Variants in PAX2 observed in about 807,000 individuals in gnomAD.
PAX2 encodes the protein paired box protein Pax-2.
In PAX2, 9 loss-of-function variants were observed where a neutral mutation model predicts 41.7. The ratio of observed to expected loss-of-function variants is 0.22; its 90% CI spans 0.13 to 0.38. The LOEUF (loss-of-function observed/expected upper bound fraction) is 0.38. Ranked by LOEUF, PAX2 falls within the 10% of genes least tolerant of loss-of-function variation. The pLI is 1.00. For missense variants in PAX2, 418 were observed against 531.6 expected, an observed-to-expected ratio of 0.79 and a Z score of 2.10; for synonymous variants, 221 against 212.7, an observed-to-expected ratio of 1.04 and a Z score of -0.34.
At chr10:100,739,325 C>G (rs913146048) in intron 1 of PAX2, among the ~76,000 whole-genome samples, 2 of 152,232 alleles carry the variant, frequency 1.3e-5, no homozygotes, top group Non-Finnish European at 2.9e-5. Flanking sequence ...GCGGCCCTGC[C>G]CTTTGGGCCT....
At chr10:100,765,784 A>AACACACAC (rs34862474) in intron 3 of PAX2, among the ~76,000 whole-genome samples, 4 of 151,024 alleles carry the variant, frequency 2.6e-5, no homozygotes, top group Admixed American at 6.6e-5. Context: ...CTCTGCTTAA[A>AACACACAC]ACACACACAC....
At chr10:100,752,378 T>C (rs77474743) in intron 3 of PAX2, among the ~76,000 whole-genome samples, 12,167 of 152,294 alleles carry the variant, frequency 0.08, 709 homozygotes, top group Admixed American at 0.17. Context: ...ATAAGCCCTT[T>C]GCTTTAAAAG....
At chr10:100,803,092 CTCT>C (rs1229195269) in intron 5 of PAX2, among the ~76,000 whole-genome samples, 8 of 152,216 alleles carry the variant, frequency 5.3e-5, no homozygotes, top group Non-Finnish European at 8.8e-5. Context: ...CTCCTTTACT[CTCT>C]TCTTCTTTTC....
At chr10:100,766,765 C>T (rs923088745) in intron 3 of PAX2, among the ~76,000 whole-genome samples, 1 of 152,096 alleles carries the variant, frequency 6.6e-6, no homozygotes, top group Non-Finnish European at 1.5e-5. Flanking sequence ...AGGATGGATC[C>T]TCTCACCCAC....
chr10:100,826,763 C>G lies in PAX2; in HGVS notation c.1022-246C>G, dbSNP rs1480287500. Reference sequence around the variant, plus strand: ...TCCGCTGGGAAGCCCTGGGCGGGCACCGGCCCACAGGTCCCGCCCGTGGGT... The same window carrying G: ...TCCGCTGGGAAGCCCTGGGCGGGCAGCGGCCCACAGGTCCCGCCCGTGGGT... On this transcript the variant is annotated intron_variant, in intron 8 of 9. Coordinates refer to ENST00000355243, the MANE Select transcript of PAX2 (RefSeq NM_000278.5). The surrounding 1 kb of genome is among the most constrained non-coding windows in gnomAD (Gnocchi z 5.5). 1.3e-5 allele frequency among the ~76,000 whole-genome samples: 2 copies of G among 152,206 alleles called. No homozygotes were observed. Among genetic ancestry groups the G allele is most frequent in the Non-Finnish European group, 2.9e-5 (2 of 68,022 alleles).
At chr10:100,814,647 A>G (rs1263791237) in intron 7 of PAX2, among the ~76,000 whole-genome samples, 5 of 152,354 alleles carry the variant, frequency 3.3e-5, no homozygotes, top group African/African-American at 1.2e-4. Context: ...ATGTCTGAAC[A>G]TTAGAGAGCT....
chr10:100,786,804 G>T (rs954443772), intron 5 of PAX2: 7 of 490,878 alleles, frequency 1.4e-5, no homozygotes, highest in Non-Finnish European at 2.8e-5. Flanking sequence ...CAGCCAGGCT[G>T]TGAGGGAATT....
intron 1 of PAX2, chr10:100,749,168 T>C: frequency 2.0e-6 from 2 of 985,830 alleles, no homozygotes; most frequent in Non-Finnish European, 2.4e-6. Context: ...AAAATTCCGA[T>C]TACAATTTAA....
rs1026701028 is a variant in PAX2, at chr10:100,756,150, A to G, written c.410+5259A>G. ...TACAGAAAGAGGAACAATAGTAGTA[A>G]CTGGTGTGGAAGATTAATCACACTC... On this transcript the variant is annotated intron_variant, in intron 3 of 9. Transcript: ENST00000355243. 3.3e-5 allele frequency among the ~76,000 whole-genome samples: 5 copies of G among 152,166 alleles called. No homozygotes were observed. The East Asian group carries it at 9.6e-4, about 29-fold the overall frequency.
rs1848692657 is a variant in PAX2, at chr10:100,829,137, C to G, written c.*1518C>G. ...GAAAAGAAATCTCTATGCAAAATGACGAACATGGTCCTGTGGACTCCTCTG... is the reference window on the plus strand; with the variant it reads ...GAAAAGAAATCTCTATGCAAAATGAGGAACATGGTCCTGTGGACTCCTCTG... On this transcript the variant is annotated 3_prime_UTR_variant, in exon 10 of 10. Coordinates refer to ENST00000355243, the MANE Select transcript of PAX2 (RefSeq NM_000278.5). 8.6e-6 allele frequency: 2 copies of G among 231,366 alleles called. No individual in the cohort carries two copies. The highest frequency in any genetic ancestry group is 1.7e-5 in the Non-Finnish European group (2 of 116,672). The allele number at this position is 231,366 out of a possible 1,614,324, so 14.3% of individuals were successfully genotyped here.
chr10:100,764,840 A>C (rs11190689), intron 3 of PAX2, among the ~76,000 whole-genome samples: 2,883 of 152,250 alleles, frequency 0.019, 110 homozygotes, highest in African/African-American at 0.067. Flanking sequence ...ATAAAATGAA[A>C]TGGTAGTGGG....
At position 100,829,415 on chromosome 10, in the gene PAX2, G is replaced by A; in HGVS notation, c.*1796G>A. 4.8e-6 allele frequency: 1 copy of A among 207,902 alleles called. No individual in the cohort carries two copies. Among genetic ancestry groups the A allele is most frequent in the Non-Finnish European group, 9.8e-6 (1 of 101,666 alleles). 12.9% of individuals were successfully genotyped at this position (207,902 alleles called of 1,614,324 possible). A position where few individuals can be genotyped will look rare whatever the true frequency, so the allele number is the denominator to read the frequency against. On this transcript the variant is annotated 3_prime_UTR_variant, in exon 10 of 10. Coordinates refer to ENST00000355243, the MANE Select transcript of PAX2 (RefSeq NM_000278.5). Reference sequence around the variant, plus strand: ...CCCCCGGGCTCGCCCCCTCGCGGGCGTGCCCCGCGCGCCCCGGGCGGCCGA... The same window carrying A: ...CCCCCGGGCTCGCCCCCTCGCGGGCATGCCCCGCGCGCCCCGGGCGGCCGA...
At chr10:100,756,095 T>G (rs1845615995) in intron 3 of PAX2, among the ~76,000 whole-genome samples, 1 of 152,170 alleles carries the variant, frequency 6.6e-6, no homozygotes, top group Non-Finnish European at 1.5e-5. Context: ...CATGATGGCA[T>G]GTGCTTGCGG....
intron 7 of PAX2, among the ~76,000 whole-genome samples, chr10:100,818,264 T>A (rs958613864): frequency 6.6e-6 from 1 of 152,212 alleles, no homozygotes; most frequent in Admixed American, 6.5e-5. Flanking sequence ...TATAAATCTA[T>A]GTCTAATAAG....
At chr10:100,801,696 T>C (rs960427754) in intron 5 of PAX2, among the ~76,000 whole-genome samples, 1 of 152,182 alleles carries the variant, frequency 6.6e-6, no homozygotes, top group Non-Finnish European at 1.5e-5. Context: ...TAGCCTCCAT[T>C]TGGGGAGGGT....
At position 100,746,035 on chromosome 10, in the gene PAX2, C is replaced by G; in HGVS notation, c.-226C>G. The stretch of plus-strand genomic sequence containing the variant: ...CTGACCGCCCAGCCCCGAGCCCCGA[C>G]AGTGGCAAGTTGCGGCTACTGCAGT... On this transcript the variant is annotated 5_prime_UTR_variant, in exon 1 of 10. Coordinates refer to ENST00000355243, the MANE Select transcript of PAX2 (RefSeq NM_000278.5). The G allele has an allele frequency of 2.8e-6, 4 of 1,440,854 alleles. No individual in the cohort carries two copies. The highest frequency in any genetic ancestry group is 1.4e-5 in the South Asian group (1 of 69,034). The allele number at this position is 1,440,854 out of a possible 1,614,324, so 89.3% of individuals were successfully genotyped here. A position where few individuals can be genotyped will look rare whatever the true frequency, so the allele number is the denominator to read the frequency against.
rs1464454684 is a variant in PAX2, at chr10:100,750,386, G to A, written c.213-308G>A. Among the ~76,000 whole-genome samples, 7 of 152,092 alleles carry A rather than the reference G, an allele frequency of 4.6e-5. No homozygotes were observed. Among genetic ancestry groups the A allele is most frequent in the East Asian group, 1.9e-4 (1 of 5,176 alleles). ...CCTGGCCTCCCAGAGACCTTGCAGCGCTGTTCGTTTTGCTCTTCCCAAGTG... is the reference window on the plus strand; with the variant it reads ...CCTGGCCTCCCAGAGACCTTGCAGCACTGTTCGTTTTGCTCTTCCCAAGTG... On this transcript the variant is annotated intron_variant, in intron 2 of 9. Transcript: ENST00000355243. This position sits in a 1 kb window ranked among gnomAD's most constrained non-coding sequence, Gnocchi z 4.1.
chr10:100,747,195 A>G (rs1434599436), intron 1 of PAX2: 2 of 152,174 alleles, frequency 1.3e-5, no homozygotes, highest in Middle Eastern at 3.4e-3. Flanking sequence ...TAGACTGCCG[A>G]CTCCCCATTG....
At chr10:100,801,380 T>C (rs566627417) in intron 5 of PAX2, among the ~76,000 whole-genome samples, 2 of 152,378 alleles carry the variant, frequency 1.3e-5, no homozygotes, top group South Asian at 4.1e-4. Flanking sequence ...TGAGCTTTGT[T>C]ATCCTCGAAA....
Sources: gnomAD v4.1 joint callset for allele counts (sites outside exome capture counted in the v4.1 genomes callset) on GRCh38, gnomAD v4.1.1 for gene constraint, Gnocchi (gnomAD v3.1) non-coding constraint, MANE v1.5 for transcripts, NCBI Gene and HGNC (gene_info 2026-07-23, HGNC 2026-07-21) for gene names.